Variants in ZNF277 observed in about 807,000 individuals in gnomAD.
The protein encoded by ZNF277 is nuclear receptor-interacting factor 4.
ZNF277 carries 55 observed loss-of-function variants against 60.7 expected under a neutral mutation model. That is an observed-to-expected ratio of 0.91 (90% confidence interval 0.73 to 1.13). The LOEUF (loss-of-function observed/expected upper bound fraction) is 1.13. Ranked by LOEUF, ZNF277 falls within the 50% of genes most tolerant of loss-of-function variation. The probability of loss-of-function intolerance (pLI) is 0.00; values close to 1 mark genes in which losing one functional copy is unlikely to be tolerated. For missense variants in ZNF277, 510 were observed against 523.0 expected (o/e 0.98, Z 0.24); for synonymous variants, 178 against 179.3 (o/e 0.99, Z 0.06).
At chr7:112,318,074 A>G (rs1792881710) in intron 4 of ZNF277, 108 bp from the exon 5 acceptor site, 1 of 811,240 alleles carries the variant, frequency 1.2e-6, no homozygotes, top group Non-Finnish European at 2.0e-6. Context: ...CAACTTTTAT[A>G]TACTCCCTTT....
At chr7:112,247,398 G>A (rs943303057) in intron 1 of ZNF277, among the ~76,000 whole-genome samples, 1 of 152,194 alleles carries the variant, frequency 6.6e-6, no homozygotes, top group African/African-American at 2.4e-5. Flanking sequence ...TGAGATAGCA[G>A]ATTGACATGA....
At chr7:112,235,990 A>G (rs1312261446) in intron 1 of ZNF277, among the ~76,000 whole-genome samples, 2 of 152,028 alleles carry the variant, frequency 1.3e-5, no homozygotes, top group Non-Finnish European at 2.9e-5. Flanking sequence ...TATTTTGCAT[A>G]TGGATATCCA....
chr7:112,248,511 TATA>T (rs1288940266), intron 1 of ZNF277, among the ~76,000 whole-genome samples: 1 of 152,076 alleles, frequency 6.6e-6, no homozygotes, highest in Non-Finnish European at 1.5e-5. Context: ...ATAATGCATT[TATA>T]ATAACACATC....
chr7:112,307,526 C>T (rs995798260), intron 4 of ZNF277, among the ~76,000 whole-genome samples: 6 of 151,896 alleles, frequency 4.0e-5, no homozygotes, highest in African/African-American at 1.5e-4. Flanking sequence ...GGGATTCTCC[C>T]TCCTTAGCCT....
At chr7:112,328,630 G>A (rs1793155154) in intron 6 of ZNF277, among the ~76,000 whole-genome samples, 1 of 152,120 alleles carries the variant, frequency 6.6e-6, no homozygotes, top group African/African-American at 2.4e-5. Context: ...CAGCACTTTG[G>A]GAGGCCGAGG....
chr7:112,296,926 T>TTTTTTA (rs1792364033), intron 4 of ZNF277, among the ~76,000 whole-genome samples: 2 of 82,432 alleles, frequency 2.4e-5, no homozygotes, highest in Non-Finnish European at 5.3e-5. Context: ...TTTTTTTTTT[T>TTTTTTA]TTTTTTTTTT....
intron 7 of ZNF277, among the ~76,000 whole-genome samples, chr7:112,333,203 TGAC>T (rs1584418869): frequency 6.6e-6 from 1 of 152,084 alleles, no homozygotes; most frequent in East Asian, 1.9e-4. Flanking sequence ...GGGAAAAGGC[TGAC>T]ATGAGTGCAT....
At chr7:112,334,231 T>TC (rs1211432220) in intron 7 of ZNF277, among the ~76,000 whole-genome samples, 2 of 152,074 alleles carry the variant, frequency 1.3e-5, no homozygotes, top group Non-Finnish European at 2.9e-5. Flanking sequence ...ATCTTTTTTT[T>TC]CCATGTTTTT....
chr7:112,227,869 A>G (rs1453959514), intron 1 of ZNF277, among the ~76,000 whole-genome samples: 1 of 151,952 alleles, frequency 6.6e-6, no homozygotes, highest in Non-Finnish European at 1.5e-5. Flanking sequence ...AATCTCATCA[A>G]CAGCTTGTAG....
At chr7:112,224,085 A>G (rs963876927) in intron 1 of ZNF277, among the ~76,000 whole-genome samples, 3 of 152,248 alleles carry the variant, frequency 2.0e-5, no homozygotes, top group Non-Finnish European at 4.4e-5. Flanking sequence ...GGCATCAGTT[A>G]GAATACAGAG....
intron 1 of ZNF277, among the ~76,000 whole-genome samples, chr7:112,235,112 GA>G (rs888653831): frequency 2.0e-5 from 3 of 151,262 alleles, no homozygotes; most frequent in African/African-American, 4.8e-5. Flanking sequence ...ATCATAGTTA[GA>G]AAAAAAACAA....
At chr7:112,212,183 A>G (rs749033231) in intron 1 of ZNF277, among the ~76,000 whole-genome samples, 17 of 152,248 alleles carry the variant, frequency 1.1e-4, no homozygotes, top group Non-Finnish European at 1.9e-4. Flanking sequence ...TTAAAAGAAT[A>G]CTTTAGATCT....
chr7:112,321,031 T>C (rs1048900430), intron 5 of ZNF277, among the ~76,000 whole-genome samples: 2 of 149,842 alleles, frequency 1.3e-5, no homozygotes, highest in Admixed American at 6.8e-5. Flanking sequence ...AAGCCATTCT[T>C]CTGCCTCAGC....
At chr7:112,249,915 G>A (rs1402940698) in intron 1 of ZNF277, among the ~76,000 whole-genome samples, 1 of 152,096 alleles carries the variant, frequency 6.6e-6, no homozygotes, top group Non-Finnish European at 1.5e-5. Flanking sequence ...AAATTGTACA[G>A]CATGTGTGTT....
intron 1 of ZNF277, among the ~76,000 whole-genome samples, chr7:112,222,517 T>C (rs1822058596): frequency 6.6e-6 from 1 of 152,242 alleles, no homozygotes; most frequent in African/African-American, 2.4e-5. Flanking sequence ...TTCTGTGGTA[T>C]CAGCTGTGAT....
chr7:112,268,243 T>C (rs1262832404), intron 1 of ZNF277, among the ~76,000 whole-genome samples: 1 of 151,502 alleles, frequency 6.6e-6, no homozygotes, highest in East Asian at 1.9e-4. Flanking sequence ...ACCATATGCC[T>C]GCATGCACAC....
chr7:112,224,714 C>T (rs749929072), intron 1 of ZNF277, among the ~76,000 whole-genome samples: 9 of 152,234 alleles, frequency 5.9e-5, no homozygotes, highest in Middle Eastern at 6.8e-3. Context: ...CTGGCAAGGA[C>T]GGGGCCTAGT....
At chr7:112,317,733 A>G (rs766816999) in intron 4 of ZNF277, among the ~76,000 whole-genome samples, 3 of 152,124 alleles carry the variant, frequency 2.0e-5, no homozygotes, top group South Asian at 4.1e-4. Context: ...GGTAACCCAC[A>G]ATGACTAAAA....
chr7:112,224,798 C>T (rs1307406243), intron 1 of ZNF277, among the ~76,000 whole-genome samples: 1 of 152,138 alleles, frequency 6.6e-6, no homozygotes, highest in Admixed American at 6.5e-5. Context: ...GACACAGCTA[C>T]AAGTAAACTG....
Sources: gnomAD v4.1 joint callset for allele counts (sites outside exome capture counted in the v4.1 genomes callset) on GRCh38, gnomAD v4.1.1 for gene constraint, MANE v1.5 for transcripts, NCBI Gene and HGNC (gene_info 2026-07-23, HGNC 2026-07-21) for gene names.